SP100: variants seen among roughly 807,000 people sequenced by gnomAD.
The protein encoded by SP100 is SP100 nuclear body protein.
Under a neutral mutation model 130.0 loss-of-function variants are expected in SP100, and 84 were observed. That is an observed-to-expected ratio of 0.65 (90% CI 0.54 to 0.77). The LOEUF is 0.77. Ranked by LOEUF, SP100 falls within the 30% of genes least tolerant of loss-of-function variation. SP100 has a pLI of 0.00. For synonymous variants in SP100, 331 were observed against 351.7 expected, an observed-to-expected ratio of 0.94 and a Z score of 0.66; for missense variants, 978 against 1,052.2, an observed-to-expected ratio of 0.93 and a Z score of 0.97.
chr2:230,438,653 A>ACACG (rs1390915237), intron 2 of SP100, among the ~76,000 whole-genome samples: 1 of 142,814 alleles, frequency 7.0e-6, no homozygotes, highest in African/African-American at 2.6e-5. Context: ...ATATATACAC[A>ACACG]CACACACACA....
At chr2:230,476,989 C>T (rs1033108733) in intron 17 of SP100, among the ~76,000 whole-genome samples, 1 of 152,062 alleles carries the variant, frequency 6.6e-6, no homozygotes, top group African/African-American at 2.4e-5. Context: ...CCTCAGCCTC[C>T]CGAGTAGCTA....
intron 2 of SP100, among the ~76,000 whole-genome samples, chr2:230,420,406 C>T (rs529415060): frequency 3.7e-4 from 57 of 152,046 alleles, no homozygotes; most frequent in Non-Finnish European, 7.1e-4. Context: ...TTTGCCTTAG[C>T]GCATTAGCCA....
chr2:230,457,646 A>C (rs1405878280), intron 8 of SP100, among the ~76,000 whole-genome samples: 1 of 152,136 alleles, frequency 6.6e-6, no homozygotes, highest in East Asian at 1.9e-4. Flanking sequence ...TGACACAGTG[A>C]AACTTTTCTT....
Position 230,482,124 on chromosome 2 carries a change from A to G in SP100, c.1600+7677A>G, listed in dbSNP as rs1047816646. Among the ~76,000 whole-genome samples the G allele has an allele frequency of 7.2e-5, 11 of 152,212 alleles. No individual in the cohort carries two copies. In the South Asian group the frequency reaches 8.3e-4, roughly 12 times the overall value. On this transcript the variant is annotated intron_variant, in intron 17 of 28. Transcript: ENST00000340126. ...TCACTTGATTGTAAGTTTTTGATGTACGGAATATTTTATCCTTGTGTAATT... is the reference window on the plus strand; with the variant it reads ...TCACTTGATTGTAAGTTTTTGATGTGCGGAATATTTTATCCTTGTGTAATT...
chr2:230,475,631 G>A (rs2065501499), intron 17 of SP100, among the ~76,000 whole-genome samples: 1 of 152,112 alleles, frequency 6.6e-6, no homozygotes, highest in Admixed American at 6.5e-5. Context: ...GTCAGGAAGG[G>A]TATTTCCTAG....
At chr2:230,504,788 T>A (rs537663601) in intron 21 of SP100, among the ~76,000 whole-genome samples, 6 of 152,184 alleles carry the variant, frequency 3.9e-5, no homozygotes, top group African/African-American at 1.2e-4. Flanking sequence ...AGCCCTCTTC[T>A]TCATTTATGG....
At position 230,539,391 on chromosome 2, in the gene SP100, G is replaced by C. The variant is rs764964882; in HGVS notation, c.2210+9G>C. 5 of 1,587,312 alleles carry C rather than the reference G, an allele frequency of 3.1e-6. No individual in the cohort carries two copies. The East Asian group carries it at 1.1e-4, about 35-fold the overall frequency. ...TCCGTGGAAGCTAACAAGTGAGTAA[G>C]ACATGTCCCCTTCCCTGAGCCCTTC... On this transcript the variant is annotated intron_variant, in intron 25 of 28. Coordinates refer to ENST00000340126, the MANE Select transcript of SP100 (RefSeq NM_001080391.2).
chr2:230,440,018 A>G (rs1037959301), intron 2 of SP100, among the ~76,000 whole-genome samples: 1 of 152,184 alleles, frequency 6.6e-6, no homozygotes, highest in African/African-American at 2.4e-5. Context: ...GAAGGAAGGA[A>G]GGAAAGAAAG....
At chr2:230,481,948 T>C (rs1016020158) in intron 17 of SP100, among the ~76,000 whole-genome samples, 1 of 152,188 alleles carries the variant, frequency 6.6e-6, no homozygotes, top group African/African-American at 2.4e-5. Context: ...AGGCCTTGCC[T>C]GATCTCCATA....
At chr2:230,456,083 G>T (rs1429784475) in intron 8 of SP100, among the ~76,000 whole-genome samples, 1 of 152,126 alleles carries the variant, frequency 6.6e-6, no homozygotes, top group Non-Finnish European at 1.5e-5. Flanking sequence ...TTTCTTGTAA[G>T]ACAGGTCTGG....
intron 10 of SP100, chr2:230,463,840 G>C: frequency 3.0e-6 from 1 of 338,070 alleles, no homozygotes; most frequent in Non-Finnish European, 5.5e-6. Context: ...AGAAGCGTGG[G>C]AAAGCAAAGG....
chr2:230,540,993 G>C lies in SP100; in HGVS notation c.2328G>C (p.Gln776His). ...TGAGGCAGATGCTGCCTGAGGAGCA[G>C]TTGGTGAGTAAAAATGTGAACCTGA... ...VLMRQMLPEE[Q>H]LKCEFLLLKV... is the part of the protein sequence containing the mutation. The change falls in exon 26 of 29, where the codon CAG (glutamine) becomes CAC (histidine). Residue 776 changes from glutamine to histidine, a missense_variant. Gln to His is a conservative substitution (Grantham distance 24). Coordinates refer to ENST00000340126, the MANE Select transcript of SP100 (RefSeq NM_001080391.2). 1 of 1,610,404 alleles carries C rather than the reference G, an allele frequency of 6.2e-7. No homozygotes were observed. Among genetic ancestry groups the C allele is most frequent in the Non-Finnish European group, 8.5e-7 (1 of 1,177,494 alleles).
At position 230,461,253 on chromosome 2, in the gene SP100, T is replaced by G; in HGVS notation, c.821-9T>G. The G allele has an allele frequency of 6.2e-7, 1 of 1,611,652 alleles. No homozygotes were observed. ...ACACAAATGAAAATTCTTCATTTAT[T>G]ACAATTAGGCCCAGAGGCAGAGCTA... On this transcript the variant is annotated splice_polypyrimidine_tract_variant and intron_variant, in intron 8 of 28. Transcript: ENST00000340126.
chr2:230,435,399 A>C (rs912783399), intron 2 of SP100, among the ~76,000 whole-genome samples: 3 of 152,170 alleles, frequency 2.0e-5, no homozygotes, highest in Non-Finnish European at 4.4e-5. Context: ...TATATATTGA[A>C]AATGCTTTTC....
chr2:230,423,727 T>C (rs1245446748), intron 2 of SP100, among the ~76,000 whole-genome samples: 1 of 152,246 alleles, frequency 6.6e-6, no homozygotes, highest in Non-Finnish European at 1.5e-5. Flanking sequence ...TTTTATTTCT[T>C]AGCCATTTGT....
At chr2:230,427,892 T>A (rs747593283) in intron 2 of SP100, among the ~76,000 whole-genome samples, 4 of 152,200 alleles carry the variant, frequency 2.6e-5, no homozygotes, top group Non-Finnish European at 4.4e-5. Context: ...ATATTCTGTC[T>A]CCAATAACAA....
chr2:230,453,093 G>T (rs1408900515), intron 8 of SP100, among the ~76,000 whole-genome samples: 2 of 152,152 alleles, frequency 1.3e-5, no homozygotes, highest in African/African-American at 4.8e-5. Context: ...CAGCATGGCT[G>T]GAGAGGCCTC....
In SP100 at chr2:230,444,333, A is replaced by C. The variant is rs1276209345; in HGVS notation, c.426A>C (p.Lys142Asn). ...QEYPDLIHIY[K>N]GFENVIHDKL... ...ACCCCGATTTAATTCACATTTATAAAGGCTTTGAAAATGGTAATTAGATTT... is the reference window on the plus strand; with the variant it reads ...ACCCCGATTTAATTCACATTTATAACGGCTTTGAAAATGGTAATTAGATTT... Residue 142 changes from lysine (K) to asparagine (N), a missense_variant, in exon 4 of 29, where the codon AAA (lysine) becomes AAC (asparagine). Transcript: ENST00000340126. The C allele has an allele frequency of 6.2e-7, 1 of 1,610,488 alleles. No individual in the cohort carries two copies. Among genetic ancestry groups the C allele is most frequent in the Non-Finnish European group, 8.5e-7 (1 of 1,179,016 alleles).
intron 15 of SP100, among the ~76,000 whole-genome samples, chr2:230,471,170 G>A (rs1266067342): frequency 6.6e-6 from 1 of 152,090 alleles, no homozygotes; most frequent in Non-Finnish European, 1.5e-5. Flanking sequence ...AGCAACACAG[G>A]AGACAAGATA....
Sources: allele counts gnomAD v4.1 joint callset (sites outside exome capture counted in the v4.1 genomes callset), GRCh38; gene constraint gnomAD v4.1.1; transcripts MANE v1.5; gene names NCBI Gene and HGNC (gene_info 2026-07-23, HGNC 2026-07-21).